Variants in POC1B observed in about 807,000 individuals in gnomAD.
The protein encoded by POC1B is POC1 centriolar protein B, also known as POC1 centriolar protein homolog B.
POC1B carries 44 observed loss-of-function variants against 60.6 expected under a neutral mutation model. The ratio of observed to expected loss-of-function variants is 0.73; its 90% CI spans 0.57 to 0.93. The LOEUF (loss-of-function observed/expected upper bound fraction) is 0.93. Among genes scored for constraint, POC1B ranks in the 40% least tolerant of loss-of-function variants. The pLI is 0.00. For missense variants in POC1B, 555 were observed against 572.3 expected, an observed-to-expected ratio of 0.97 and a Z score of 0.31; for synonymous variants, 180 against 198.9, an observed-to-expected ratio of 0.90 and a Z score of 0.80.
chr12:89,495,572 C>T (rs1185275047), intron 3 of POC1B, among the ~76,000 whole-genome samples: 1 of 152,080 alleles, frequency 6.6e-6, no homozygotes, highest in Admixed American at 6.6e-5. Flanking sequence ...TCAAATCCTG[C>T]CACAACAGGG....
chr12:89,463,335 A>C (rs1882546317), intron 9 of POC1B, among the ~76,000 whole-genome samples: 1 of 152,190 alleles, frequency 6.6e-6, no homozygotes, highest in Admixed American at 6.5e-5. Context: ...CTTTACTGTC[A>C]TTAAGAGCTA....
chr12:89,483,013 A>T (rs955832439), intron 4 of POC1B, among the ~76,000 whole-genome samples: 1 of 151,068 alleles, frequency 6.6e-6, no homozygotes, highest in Non-Finnish European at 1.5e-5. Flanking sequence ...TCCCAGGTTC[A>T]AGCAATTCTC....
At chr12:89,525,364 C>T in intron 1 of POC1B, 160 bp from the exon 2 acceptor site, 1 of 1,424,908 alleles carries the variant, frequency 7.0e-7, no homozygotes, top group South Asian at 1.5e-5. Flanking sequence ...CCCACGGGCG[C>T]GGCGCCCAGT....
chr12:89,412,836 TTCC>T, the POC1B span, among the ~76,000 whole-genome samples: 9 of 128,848 alleles, frequency 7.0e-5, no homozygotes, highest in African/African-American at 2.7e-4. Flanking sequence ...CCTTCCTTCC[TTCC>T]TTCCTTCCTT....
At chr12:89,492,245 A>C in intron 3 of POC1B, 130 bp from the exon 4 acceptor site, 1 of 698,014 alleles carries the variant, frequency 1.4e-6, no homozygotes, top group Non-Finnish European at 2.1e-6. Flanking sequence ...AACCTAACAA[A>C]AGTATGAAAG....
At chr12:89,502,710 T>C in intron 2 of POC1B, 1 of 1,349,870 alleles carries the variant, frequency 7.4e-7, no homozygotes, top group Non-Finnish European at 1.0e-6. Context: ...ACACCCTTTT[T>C]TTCTACTGGG....
Position 89,421,232 on chromosome 12 carries a change from A to G in POC1B, c.1358T>C (p.Leu453Pro), listed in dbSNP as rs143659653. Reference protein sequence around the residue: ...TQTVSILEQRLTLTEDKLKDC... With the variant: ...TQTVSILEQRPTLTEDKLKDC... ...TTTCAGCTTATCCTCTGTCAAAGTC[A>G]GTCGCTGCTCCAAGATTGAAACAGT... Residue 453 changes from leucine (L) to proline (P), a missense_variant, in exon 12 of 12, where the codon CTG becomes CCG. Leu to Pro is a moderately conservative substitution (Grantham distance 98). Coordinates refer to ENST00000313546, the MANE Select transcript of POC1B (RefSeq NM_172240.3). 1.9e-6 allele frequency: 3 copies of G among 1,600,670 alleles called. No individual in the cohort carries two copies. The highest frequency in any genetic ancestry group is 2.6e-6 in the Non-Finnish European group (3 of 1,169,940).
At position 89,421,234 on chromosome 12, in the gene POC1B, T is replaced by A; in HGVS notation, c.1356A>T (p.Arg452=). 1 of 1,599,340 alleles carries A rather than the reference T, an allele frequency of 6.3e-7. No homozygotes were observed. Among genetic ancestry groups the A allele is most frequent in the Non-Finnish European group, 8.6e-7 (1 of 1,169,016 alleles). ...TCAGCTTATCCTCTGTCAAAGTCAG[T>A]CGCTGCTCCAAGATTGAAACAGTCT... is the stretch of plus-strand genomic sequence containing the variant. ...LTQTVSILEQ[R]LTLTEDKLKD... is the part of the protein sequence containing the mutation. The change falls in exon 12 of 12, where the codon CGA becomes CGT. Residue 452 remains arginine, a synonymous_variant. Transcript: ENST00000313546.
At chr12:89,407,938 T>C in the POC1B span, among the ~76,000 whole-genome samples, 1 of 152,206 alleles carries the variant, frequency 6.6e-6, no homozygotes, top group Admixed American at 6.5e-5. Flanking sequence ...GTATTTCCGC[T>C]AATGCTATCC....
At position 89,526,027 on chromosome 12, in the gene POC1B, T is replaced by TACA. The variant is rs940464973; in HGVS notation, c.-135_-133dup. The TACA allele has an allele frequency of 1.3e-5, 20 of 1,535,854 alleles. No individual in the cohort carries two copies. The Admixed American group carries it at 3.3e-4, about 26-fold the overall frequency. On this transcript the variant is annotated 5_prime_UTR_variant, in exon 1 of 12. Coordinates refer to ENST00000313546, the MANE Select transcript of POC1B (RefSeq NM_172240.3). ...CAGAGCGGCAGCGCCTCCCGGTCAC[T>TACA]ACAACAACGGCGGCCCAGTCAAACC...
chr12:89,434,218 G>A (rs991015970), intron 10 of POC1B, among the ~76,000 whole-genome samples: 1 of 152,170 alleles, frequency 6.6e-6, no homozygotes, highest in African/African-American at 2.4e-5. Context: ...CTTCAGCTTT[G>A]GGGATAAGAT....
intron 9 of POC1B, chr12:89,461,093 A>G (rs1022750311): frequency 6.6e-6 from 1 of 151,996 alleles, no homozygotes; most frequent in Non-Finnish European, 1.5e-5. Flanking sequence ...GTCTTGGGCC[A>G]CACATAAAAT....
At position 89,425,331 on chromosome 12, in the gene POC1B, A is replaced by T; in HGVS notation, c.1162T>A (p.Cys388Ser). 1 of 1,614,186 alleles carries T rather than the reference A, an allele frequency of 6.2e-7. No individual in the cohort carries two copies. Among genetic ancestry groups the T allele is most frequent in the Non-Finnish European group, 8.5e-7 (1 of 1,180,026 alleles). Residue 388 changes from cysteine to serine, a missense_variant, in exon 11 of 12, where the codon TGT (cysteine) becomes AGT (serine). By Grantham distance (112) the Cys-to-Ser change is moderately radical (BLOSUM62 -1). Transcript: ENST00000313546. ...AAGGAAGGGTTCAAGAAATATCCACAGGCCTCTTCACCCTTGTCTGGCAGA... is the reference window on the plus strand; with the variant it reads ...AAGGAAGGGTTCAAGAAATATCCACTGGCCTCTTCACCCTTGTCTGGCAGA... ...RTLPDKGEEA[C>S]GYFLNPSLMS...
intron 10 of POC1B, among the ~76,000 whole-genome samples, chr12:89,443,346 G>A: frequency 6.6e-6 from 1 of 152,152 alleles, no homozygotes; most frequent in East Asian, 1.9e-4. Context: ...TGACCATATA[G>A]TTGGAAGTAA....
chr12:89,425,355 G>C lies in POC1B; in HGVS notation c.1138C>G (p.Leu380Val). 6.2e-7 allele frequency: 1 copy of C among 1,614,104 alleles called. No individual in the cohort carries two copies. The highest frequency in any genetic ancestry group is 8.5e-7 in the Non-Finnish European group (1 of 1,179,992). ...CAGGCCTCTTCACCCTTGTCTGGCAGAGTCCTACCACTGGTTTCTGTTGTC... is the reference window on the plus strand; with the variant it reads ...CAGGCCTCTTCACCCTTGTCTGGCACAGTCCTACCACTGGTTTCTGTTGTC... ...TTTTETSGRT[L>V]PDKGEEACGY... The change falls in exon 11 of 12, where the codon CTG becomes GTG. Residue 380 changes from leucine (L) to valine (V), a missense_variant. Leu to Val is a conservative substitution (Grantham distance 32, BLOSUM62 1). Coordinates refer to ENST00000313546, the MANE Select transcript of POC1B (RefSeq NM_172240.3).
intron 4 of POC1B, among the ~76,000 whole-genome samples, chr12:89,475,910 CT>C (rs972058107): frequency 8.5e-4 from 73 of 86,114 alleles, no homozygotes; most frequent in Non-Finnish European, 9.8e-4. Flanking sequence ...TGAGGGAATT[CT>C]TTTTTTTTTT....
At chr12:89,416,337 G>A (rs1880364300), downstream of POC1B, among the ~76,000 whole-genome samples, 1 of 152,176 alleles carries the variant, frequency 6.6e-6, no homozygotes, top group Non-Finnish European at 1.5e-5. Context: ...TATGTAGGGT[G>A]ACAGGGAAAA....
At chr12:89,462,872 T>C (rs891787549) in intron 9 of POC1B, among the ~76,000 whole-genome samples, 1 of 152,204 alleles carries the variant, frequency 6.6e-6, no homozygotes, top group Non-Finnish European at 1.5e-5. Context: ...CTTGTATAAC[T>C]GTTAGACTTT....
chr12:89,414,624 T>C, the POC1B span, among the ~76,000 whole-genome samples: 1 of 152,228 alleles, frequency 6.6e-6, no homozygotes, highest in African/African-American at 2.4e-5. Context: ...AAGAGTTGTA[T>C]AAGCCATCAA....
Sources: gnomAD v4.1 joint callset for allele counts (sites outside exome capture counted in the v4.1 genomes callset) on GRCh38, gnomAD v4.1.1 for gene constraint, MANE v1.5 for transcripts, NCBI Gene and HGNC (gene_info 2026-07-23, HGNC 2026-07-21) for gene names.